The following MTMR3 variants were observed in gnomAD, a reference collection of about 807,000 sequenced individuals.
MTMR3 encodes myotubularin related protein 3, also known as phosphatidylinositol-3,5-bisphosphate 3-phosphatase MTMR3.
In MTMR3, 32 loss-of-function variants were observed where a neutral mutation model predicts 132.4. The ratio of observed to expected loss-of-function variants is 0.24; its 90% confidence interval spans 0.18 to 0.32. The LOEUF (loss-of-function observed/expected upper bound fraction) is 0.32, where lower values mean the gene tolerates loss of function less well. MTMR3 is among the 10% of genes least tolerant of loss of function. MTMR3 has a pLI of 1.00. For synonymous variants in MTMR3, 556 were observed against 550.3 expected (o/e 1.01, Z -0.14); for missense variants, 1,216 against 1,489.6 (o/e 0.82, Z 3.02).
chr22:29,930,667 G>A (rs1261374218), intron 1 of MTMR3, among the ~76,000 whole-genome samples: 1 of 152,120 alleles, frequency 6.6e-6, no homozygotes, highest in Non-Finnish European at 1.5e-5. Flanking sequence ...ACTCCAGCCT[G>A]GGCTACAGAG....
chr22:29,946,021 T>TTGTGTGTGTGTGTGTGTG (rs57792760), intron 1 of MTMR3, among the ~76,000 whole-genome samples: 1 of 150,780 alleles, frequency 6.6e-6, no homozygotes, highest in African/African-American at 2.4e-5. Context: ...GTGTATATAT[T>TTGTGTGTGTGTGTGTGTG]TGTGTGTGTG....
chr22:29,991,675 G>C lies in MTMR3; in HGVS notation c.460+5G>C, dbSNP rs375253429. On this transcript the variant is annotated splice_donor_5th_base_variant and intron_variant, in intron 7 of 19. Transcript: ENST00000401950. ...ATGGAGACCTGTGCAGACCAGGTAC[G>C]CCTTTCTGAAATGTGCAAATGGCCA... 13 of 1,585,402 alleles carry C rather than the reference G, an allele frequency of 8.2e-6. No individual in the cohort carries two copies. The highest frequency in any genetic ancestry group is 1.1e-5 in the Non-Finnish European group (13 of 1,166,590).
At chr22:30,011,867 T>C in intron 12 of MTMR3, 1 of 154,206 alleles carries the variant, frequency 6.5e-6, no homozygotes, top group Non-Finnish European at 1.4e-5. Context: ...GGGTTGTGTG[T>C]ACCATTCTTG....
chr22:29,955,650 G>C (rs901511739), intron 1 of MTMR3, among the ~76,000 whole-genome samples: 1 of 152,160 alleles, frequency 6.6e-6, no homozygotes. Flanking sequence ...TTATTGGGGA[G>C]ACAAAAATAT....
Position 29,883,302 on chromosome 22 carries a change from G to C in MTMR3, c.-195G>C, listed in dbSNP as rs1568988591. On this transcript the variant is annotated 5_prime_UTR_variant, in exon 1 of 20. Transcript: ENST00000401950. ...AGCGCCGGCCCTGGCAGGGAGCCTG[G>C]TGGGGTGGCGGAGGGGGAGACTGTG... 6.5e-6 allele frequency: 1 copy of C among 153,502 alleles called. No homozygotes were observed. Among genetic ancestry groups the C allele is most frequent in the East Asian group, 1.9e-4 (1 of 5,234 alleles). 9.5% of individuals were successfully genotyped at this position (153,502 alleles called of 1,614,324 possible). A position where few individuals can be genotyped will look rare whatever the true frequency, so the allele number is the denominator to read the frequency against.
intron 1 of MTMR3, among the ~76,000 whole-genome samples, chr22:29,902,655 C>T (rs1206941780): frequency 6.6e-6 from 1 of 152,042 alleles, no homozygotes; most frequent in African/African-American, 2.4e-5. Context: ...GCGTGAGTCA[C>T]CGTGCCTGGC....
intron 1 of MTMR3, among the ~76,000 whole-genome samples, chr22:29,931,538 C>T (rs1281531657): frequency 6.6e-6 from 1 of 152,174 alleles, no homozygotes; most frequent in Admixed American, 6.5e-5. Flanking sequence ...CCTCAGCCTC[C>T]CAAGTAGCTG....
At chr22:29,958,816 C>G (rs1259826798) in intron 2 of MTMR3, among the ~76,000 whole-genome samples, 1 of 152,164 alleles carries the variant, frequency 6.6e-6, no homozygotes, top group East Asian at 1.9e-4. Context: ...AGAAACACTC[C>G]TAGACTCCTG....
At chr22:29,892,356 T>C (rs2064817123) in intron 1 of MTMR3, among the ~76,000 whole-genome samples, 2 of 152,176 alleles carry the variant, frequency 1.3e-5, no homozygotes, top group African/African-American at 4.8e-5. Flanking sequence ...TTTAAAAAAT[T>C]ATGTTTTTTG....
At chr22:29,952,257 AATG>A (rs1260745607) in intron 1 of MTMR3, among the ~76,000 whole-genome samples, 1 of 152,166 alleles carries the variant, frequency 6.6e-6, no homozygotes, top group Non-Finnish European at 1.5e-5. Flanking sequence ...TTGCTTAGGA[AATG>A]ATAATATTTT....
intron 1 of MTMR3, among the ~76,000 whole-genome samples, chr22:29,924,172 T>A (rs772173227): frequency 6.6e-6 from 1 of 152,196 alleles, no homozygotes; most frequent in Non-Finnish European, 1.5e-5. Flanking sequence ...GCTCTTATAG[T>A]TAGGTCTTTG....
chr22:30,022,635 G>A lies in MTMR3; in HGVS notation c.3363G>A (p.Leu1121=), dbSNP rs2067793761. The change falls in exon 19 of 20, where the codon CTG becomes CTA. Residue 1121 remains leucine, a synonymous_variant. Transcript: ENST00000401950. ...TGACCCGTTGGCTTCCTGACCACCT[G>A]GCCGCCCACTGCTATGCGTGCGACA... ...TEMTRWLPDH[L]AAHCYACDSA... 1 of 1,612,930 alleles carries A rather than the reference G, an allele frequency of 6.2e-7. No homozygotes were observed. Among genetic ancestry groups the A allele is most frequent in the Non-Finnish European group, 8.5e-7 (1 of 1,180,014 alleles).
intron 7 of MTMR3, 116 bp downstream of exon 7, chr22:29,991,786 A>T: frequency 9.1e-7 from 1 of 1,096,946 alleles, no homozygotes; most frequent in Non-Finnish European, 1.2e-6. Context: ...GTATATTTTA[A>T]GGAGCACCCA....
intron 1 of MTMR3, among the ~76,000 whole-genome samples, chr22:29,924,304 C>T (rs1476695770): frequency 6.6e-6 from 1 of 152,196 alleles, no homozygotes; most frequent in Non-Finnish European, 1.5e-5. Flanking sequence ...CTCAATACCA[C>T]TCATTGAAAA....
rs1041679908 is a variant in MTMR3 at position 29,943,948 on chromosome 22, C to T, written c.-137-13088C>T. On this transcript the variant is annotated intron_variant, in intron 1 of 19. Transcript: ENST00000401950. Reference sequence around the variant, plus strand: ...ACGCCATTCTCCCACCTCAGCTGCCCGAGTAGCTGGGACTACAGGTATGCA... The same window carrying T: ...ACGCCATTCTCCCACCTCAGCTGCCTGAGTAGCTGGGACTACAGGTATGCA... Among the ~76,000 whole-genome samples, 20 of 152,040 alleles carry T rather than the reference C, an allele frequency of 1.3e-4. No homozygotes were observed. In the East Asian group the frequency reaches 2.5e-3, roughly 19 times the overall value.
chr22:29,996,645 A>G (rs2067066663), intron 7 of MTMR3: 1 of 152,136 alleles, frequency 6.6e-6, no homozygotes, highest in African/African-American at 2.4e-5. Context: ...ATGAACTTGG[A>G]ATTTGCCACA....
chr22:29,952,045 C>T (rs879390047), intron 1 of MTMR3, among the ~76,000 whole-genome samples: 1 of 151,996 alleles, frequency 6.6e-6, no homozygotes, highest in African/African-American at 2.4e-5. Context: ...TGTGCCACCA[C>T]GCCCAGCTAA....
At chr22:29,889,676 T>G (rs938045323) in intron 1 of MTMR3, among the ~76,000 whole-genome samples, 1 of 152,102 alleles carries the variant, frequency 6.6e-6, no homozygotes, top group African/African-American at 2.4e-5. Flanking sequence ...GTTTTTTTTC[T>G]TATACATATC....
chr22:29,924,006 T>G (rs2065469613), intron 1 of MTMR3, among the ~76,000 whole-genome samples: 1 of 152,236 alleles, frequency 6.6e-6, no homozygotes, highest in Non-Finnish European at 1.5e-5. Flanking sequence ...TGTACTCTGT[T>G]GATAGTGCCC....
Sources: gnomAD v4.1 joint callset for allele counts (sites outside exome capture counted in the v4.1 genomes callset) on GRCh38, gnomAD v4.1.1 for gene constraint, MANE v1.5 for transcripts, NCBI Gene and HGNC (gene_info 2026-07-23, HGNC 2026-07-21) for gene names.